Variants in DCDC1 observed in about 807,000 individuals in gnomAD.
The protein encoded by DCDC1 is doublecortin domain containing 1.
DCDC1 carries 200 observed loss-of-function variants against 178.3 expected under a neutral mutation model. The observed-to-expected ratio is 1.12, with a 90% confidence interval of 1.00 to 1.26. The LOEUF (loss-of-function observed/expected upper bound fraction) is 1.26, where lower values mean the gene tolerates loss of function less well. DCDC1 is among the 50% of genes most tolerant of loss of function. DCDC1 has a pLI of 0.00. For missense variants in DCDC1, 1,983 were observed against 1,749.2 expected, an observed-to-expected ratio of 1.13 and a Z score of -2.38; for synonymous variants, 690 against 604.8, an observed-to-expected ratio of 1.14 and a Z score of -2.07.
At chr11:31,159,074 C>CTAT (rs1428683920) in intron 9 of DCDC1, among the ~76,000 whole-genome samples, 1 of 151,964 alleles carries the variant, frequency 6.6e-6, no homozygotes, top group Non-Finnish European at 1.5e-5. Flanking sequence ...GCTTTGAGGA[C>CTAT]TATTAAGAAA....
intron 9 of DCDC1, among the ~76,000 whole-genome samples, chr11:31,174,134 G>C (rs1239392350): frequency 1.3e-5 from 2 of 151,876 alleles, no homozygotes; most frequent in Admixed American, 1.3e-4. Flanking sequence ...GCAGAAAGGA[G>C]CCCCACCCTC....
At chr11:30,878,896 G>A (rs1476260108) in intron 37 of DCDC1, among the ~76,000 whole-genome samples, 185 bp from the exon 38 acceptor site, 1 of 152,110 alleles carries the variant, frequency 6.6e-6, no homozygotes, top group Non-Finnish European at 1.5e-5. Flanking sequence ...TGGATTGCTA[G>A]AGAATGGAAG....
At chr11:31,041,448 A>T (rs186921703) in intron 20 of DCDC1, among the ~76,000 whole-genome samples, 3 of 152,356 alleles carry the variant, frequency 2.0e-5, no homozygotes, top group Non-Finnish European at 2.9e-5. Flanking sequence ...CAAATGCCTT[A>T]TAAACATTGA....
At chr11:30,920,626 C>T in intron 25 of DCDC1, 150 bp downstream of exon 25, 10 of 848,148 alleles carry the variant, frequency 1.2e-5, no homozygotes, top group South Asian at 4.4e-5. Flanking sequence ...ATCATTTTGC[C>T]GGAAAACTAA....
intron 18 of DCDC1, among the ~76,000 whole-genome samples, chr11:31,069,473 T>C (rs1175613371): frequency 6.6e-6 from 1 of 152,180 alleles, no homozygotes; most frequent in African/African-American, 2.4e-5. Context: ...AGCAGATTAT[T>C]TCATATTGGT....
In DCDC1 at chr11:31,025,769, C is replaced by T. The variant is rs72882663; in HGVS notation, c.2591+38700G>A. ...AAAGTTACTCTAGTGAGTATTAATT[C>T]TCATCATAATCTCCCATATCTACAC... On this transcript the variant is annotated intron_variant, in intron 20 of 38. Transcript: ENST00000684477. Among the ~76,000 whole-genome samples, 1,081 of 151,260 alleles carry T rather than the reference C, an allele frequency of 7.1e-3. 7 individuals are homozygous for T. Among genetic ancestry groups the T allele is most frequent in the Non-Finnish European group, 0.011 (776 of 67,532 alleles).
chr11:31,212,462 C>T (rs1236479208), intron 9 of DCDC1, among the ~76,000 whole-genome samples: 2 of 151,864 alleles, frequency 1.3e-5, no homozygotes, highest in Non-Finnish European at 2.9e-5. Flanking sequence ...ACACACACCC[C>T]ATAAGGAATG....
chr11:31,264,162 CT>C (rs1326102759), intron 8 of DCDC1, among the ~76,000 whole-genome samples: 2 of 152,238 alleles, frequency 1.3e-5, no homozygotes, highest in African/African-American at 4.8e-5. Flanking sequence ...AGGAACTGTG[CT>C]TACTACTGGT....
At chr11:31,087,179 A>G (rs1957530534) in intron 17 of DCDC1, among the ~76,000 whole-genome samples, 1 of 152,124 alleles carries the variant, frequency 6.6e-6, no homozygotes, top group Non-Finnish European at 1.5e-5. Context: ...GTTGTTCAAA[A>G]TATTCCCTTA....
Position 31,362,321 on chromosome 11 carries a change from T to C in DCDC1, c.-125+7376A>G, listed in dbSNP as rs1464980592. Among the ~76,000 whole-genome samples, 3 of 152,142 alleles carry C rather than the reference T, an allele frequency of 2.0e-5. No homozygotes were observed. The East Asian group carries it at 5.8e-4, about 29-fold the overall frequency. On this transcript the variant is annotated intron_variant, in intron 1 of 38. Transcript: ENST00000684477. Reference sequence around the variant, plus strand: ...AGAGGAATATTCATAGAGACTAACATTGCAGACTAGGATTTATACTACAAA... The same window carrying C: ...AGAGGAATATTCATAGAGACTAACACTGCAGACTAGGATTTATACTACAAA...
At chr11:31,193,217 A>G (rs1027727171) in intron 9 of DCDC1, among the ~76,000 whole-genome samples, 1 of 152,020 alleles carries the variant, frequency 6.6e-6, no homozygotes, top group African/African-American at 2.4e-5. Context: ...GCCAATTACC[A>G]TAACAAATCA....
intron 9 of DCDC1, among the ~76,000 whole-genome samples, chr11:31,240,841 T>C (rs773794062): frequency 6.6e-6 from 1 of 151,974 alleles, no homozygotes; most frequent in Non-Finnish European, 1.5e-5. Context: ...TCCCTATACA[T>C]GATTATAAAA....
intron 10 of DCDC1, among the ~76,000 whole-genome samples, chr11:31,135,361 T>C (rs1216793348): frequency 6.6e-6 from 1 of 152,200 alleles, no homozygotes; most frequent in East Asian, 1.9e-4. Flanking sequence ...TAATCAAAAG[T>C]TTTTTAAGCT....
At chr11:30,999,308 G>T (rs938156721) in intron 20 of DCDC1, among the ~76,000 whole-genome samples, 1 of 152,122 alleles carries the variant, frequency 6.6e-6, no homozygotes, top group African/African-American at 2.4e-5. Context: ...ATGTATCATG[G>T]TTATGTAAGA....
In DCDC1 at chr11:30,903,539, G is replaced by T. The variant is rs1944853450; in HGVS notation, c.4453C>A (p.Gln1485Lys). 6.2e-7 allele frequency: 1 copy of T among 1,606,250 alleles called. No homozygotes were observed. Among genetic ancestry groups the T allele is most frequent in the South Asian group, 1.1e-5 (1 of 89,362 alleles). ...ESFLQRDSEK[Q>K]KQDAAPVGKE... is the part of the protein sequence containing the mutation. ...CCAACAGGAGCTGCATCTTGCTTTT[G>T]TTTCTCAGAGTCTCTCTGGAGAAAG... Residue 1485 changes from glutamine (Q) to lysine (K), a missense_variant, in exon 32 of 39, where the codon CAA (glutamine) becomes AAA (lysine). Coordinates refer to ENST00000684477, the MANE Select transcript of DCDC1 (RefSeq NM_001387274.1).
chr11:31,341,112 G>A (rs1293132127), intron 1 of DCDC1, among the ~76,000 whole-genome samples: 3 of 152,112 alleles, frequency 2.0e-5, no homozygotes, highest in Non-Finnish European at 4.4e-5. Context: ...TAGTAGGGAG[G>A]AGTTTTTCTG....
chr11:30,868,468 C>T (rs1378246156), intron 38 of DCDC1, among the ~76,000 whole-genome samples: 1 of 151,934 alleles, frequency 6.6e-6, no homozygotes, highest in South Asian at 2.1e-4. Context: ...CCAGGCTGGT[C>T]TTGAACTCCT....
chr11:31,253,671 G>A (rs1332327250), intron 8 of DCDC1, among the ~76,000 whole-genome samples: 4 of 152,122 alleles, frequency 2.6e-5, no homozygotes, highest in Non-Finnish European at 5.9e-5. Flanking sequence ...GACTCAGAGA[G>A]CCCACCTAAG....
chr11:31,016,905 G>T lies in DCDC1; in HGVS notation c.2591+47564C>A, dbSNP rs146701334. Among the ~76,000 whole-genome samples, 54 of 152,280 alleles carry T rather than the reference G, an allele frequency of 3.5e-4. 1 individual carries two copies. The highest frequency in any genetic ancestry group is 1.2e-3 in the African/African-American group (50 of 41,562). On this transcript the variant is annotated intron_variant, in intron 20 of 38. Transcript: ENST00000684477. ...ATATTAAGTTTCTGTCAGTTGTTTT[G>T]TCTGGCTGAATGCAGGAGAAATAAT... is the stretch of plus-strand genomic sequence containing the variant.
Sources: allele counts gnomAD v4.1 joint callset (sites outside exome capture counted in the v4.1 genomes callset), GRCh38; gene constraint gnomAD v4.1.1; transcripts MANE v1.5; gene names NCBI Gene and HGNC (gene_info 2026-07-23, HGNC 2026-07-21).